The following LTV1 variants were observed in gnomAD, a reference collection of about 807,000 sequenced individuals.
LTV1 encodes the protein LTV1 ribosome biogenesis factor.
Under a neutral mutation model 59.9 loss-of-function variants are expected in LTV1, and 39 were observed. The ratio of observed to expected loss-of-function variants is 0.65; its 90% CI spans 0.50 to 0.85. LTV1 has a LOEUF of 0.85. Ranked by LOEUF, LTV1 falls within the 40% of genes least tolerant of loss-of-function variation. The pLI is 0.00. For synonymous variants in LTV1, 171 were observed against 189.5 expected (o/e 0.90, Z 0.80); for missense variants, 493 against 549.1 (o/e 0.90, Z 1.02).
At position 143,860,531 on chromosome 6, in the gene LTV1, T is replaced by G. The variant is rs1273871295; in HGVS notation, c.901T>G (p.Tyr301Asp). 1.9e-6 allele frequency: 3 copies of G among 1,613,234 alleles called. No homozygotes were observed. The change falls in exon 7 of 11, where the codon TAC (tyrosine) becomes GAC (aspartate). Residue 301 changes from tyrosine (Y) to aspartate (D), a missense_variant. By Grantham distance (160) the Tyr-to-Asp change is radical. Coordinates refer to ENST00000367576, the MANE Select transcript of LTV1 (RefSeq NM_032860.5). The part of the protein sequence containing the change: ...SNRLQEVLND[Y>D]YKEKAENCVK... ...TCGCTTACAGGAAGTTTTGAATGAC[T>G]ACTATAAAGAGAAGGCAGAGAAGTA... is the stretch of plus-strand genomic sequence containing the variant.
Position 143,850,167 on chromosome 6 carries a change from TC to T in LTV1, c.347del (p.Ser116Ter). 1 of 1,613,964 alleles carries T rather than the reference TC, an allele frequency of 6.2e-7. No homozygotes were observed. The highest frequency in any genetic ancestry group is 8.5e-7 in the Non-Finnish European group (1 of 1,179,922). On this transcript the variant is annotated frameshift_variant, in exon 4 of 11. Transcript: ENST00000367576. LOFTEE classifies it high-confidence loss of function. Reference sequence around the variant, plus strand: ...TAAGTTGCCTTCATCAGTGTTTGCTTCAGAGTTTGAGGAAGATGTTGGATTG... The same window carrying T: ...TAAGTTGCCTTCATCAGTGTTTGCTTAGAGTTTGAGGAAGATGTTGGATTG... ...GIKLPSSVFASEFEEDVGLLN... is the reference protein window; with the variant it reads ...GIKLPSSVFAXEFEEDVGLLN...
chr6:143,863,449 A>C lies in LTV1; in HGVS notation c.1350A>C (p.Leu450Phe), dbSNP rs746191628. The change falls in exon 11 of 11, where the codon TTA becomes TTC. Residue 450 changes from leucine to phenylalanine, a missense_variant. Coordinates refer to ENST00000367576, the MANE Select transcript of LTV1 (RefSeq NM_032860.5). The surrounding 1 kb of genome is among the most constrained non-coding windows in gnomAD (Gnocchi z 4.5). ...GAGTGGAGAAGAAAGCTAACAAATT[A>C]GCATTTAAACTGGAGAAAAGAAGGC... is the stretch of plus-strand genomic sequence containing the variant. ...ERRVEKKANKLAFKLEKRRQE... is the reference protein window; with the variant it reads ...ERRVEKKANKFAFKLEKRRQE... 8 of 1,613,878 alleles carry C rather than the reference A, an allele frequency of 5.0e-6. No individual in the cohort carries two copies. The highest frequency in any genetic ancestry group is 6.8e-6 in the Non-Finnish European group (8 of 1,179,852).
intron 3 of LTV1, among the ~76,000 whole-genome samples, chr6:143,849,166 CA>C (rs1445937386): frequency 6.6e-6 from 1 of 152,136 alleles, no homozygotes; most frequent in Admixed American, 6.5e-5. Context: ...TGAGCGGTTG[CA>C]GTCATTTATG....
chr6:143,852,154 C>A (rs1776993931), intron 4 of LTV1, among the ~76,000 whole-genome samples: 1 of 152,212 alleles, frequency 6.6e-6, no homozygotes, highest in Non-Finnish European at 1.5e-5. Context: ...GCCACACTGT[C>A]TTCCACAATG....
rs755099118 is a variant in LTV1, at chr6:143,857,763, A to C, written c.551A>C (p.Asn184Thr). 6.2e-7 allele frequency: 1 copy of C among 1,614,154 alleles called. No individual in the cohort carries two copies. The highest frequency in any genetic ancestry group is 8.5e-7 in the Non-Finnish European group (1 of 1,180,012). The stretch of plus-strand genomic sequence containing the variant: ...GACCTTTACTTTAGGAAATCTGAGA[A>C]TGAAGATGACAGCGAGTGGGAAGAT... ...EEGMDIQKSE[N>T]EDDSEWEDVD... Residue 184 changes from asparagine (N) to threonine (T), a missense_variant, in exon 6 of 11, where the codon AAT (asparagine) becomes ACT (threonine). Transcript: ENST00000367576. This position sits in a 1 kb window ranked among gnomAD's most constrained non-coding sequence, Gnocchi z 5.2.
At chr6:143,849,017 G>A (rs567110110) in intron 3 of LTV1, among the ~76,000 whole-genome samples, 1 of 152,166 alleles carries the variant, frequency 6.6e-6, no homozygotes, top group South Asian at 2.1e-4. Context: ...GATTTTATAG[G>A]TCCTTGAGAA....
chr6:143,850,282 T>C, intron 4 of LTV1, 64 bp downstream of exon 4: 1 of 1,269,878 alleles, frequency 7.9e-7, no homozygotes, highest in South Asian at 1.3e-5. Context: ...AAAGAAATGA[T>C]GTAGGATTTT....
Position 143,863,054 on chromosome 6 carries a change from G to T in LTV1, c.1117-32G>T. ...AGCTATTTTTTAATAGGAATGAGAAGTAACTCTAGTACCATTTTATCTGTA... is the reference window on the plus strand; with the variant it reads ...AGCTATTTTTTAATAGGAATGAGAATTAACTCTAGTACCATTTTATCTGTA... On this transcript the variant is annotated intron_variant, in intron 9 of 10. Coordinates refer to ENST00000367576, the MANE Select transcript of LTV1 (RefSeq NM_032860.5). The surrounding 1 kb of genome is among the most constrained non-coding windows in gnomAD (Gnocchi z 4.5). 6.4e-7 allele frequency: 1 copy of T among 1,568,736 alleles called. No homozygotes were observed.
chr6:143,860,354 A>C lies in LTV1; in HGVS notation c.796-72A>C. 2.1e-6 allele frequency: 3 copies of C among 1,406,822 alleles called. No individual in the cohort carries two copies. The African/African-American group carries it at 4.3e-5, about 20-fold the overall frequency. 87.1% of individuals were successfully genotyped at this position (1,406,822 alleles called of 1,614,324 possible). A position where few individuals can be genotyped will look rare whatever the true frequency, so the allele number is the denominator to read the frequency against. The stretch of plus-strand genomic sequence containing the variant: ...TGTGTAAGAATAAAGTTAATGTAAA[A>C]AAATTTTTAAGTGTGTAGTCTTACT... On this transcript the variant is annotated intron_variant, in intron 6 of 10. Coordinates refer to ENST00000367576, the MANE Select transcript of LTV1 (RefSeq NM_032860.5).
Position 143,862,122 on chromosome 6 carries a change from C to G in LTV1, c.942C>G (p.Thr314=), listed in dbSNP as rs368652062. The change falls in exon 8 of 11, where the codon ACC becomes ACG. Residue 314 remains threonine (T), a synonymous_variant. Transcript: ENST00000367576. The surrounding 1 kb of genome is among the most constrained non-coding windows in gnomAD (Gnocchi z 4.2). The stretch of plus-strand genomic sequence containing the variant: ...CTAAAAGTTGTGTAAAATTGAATAC[C>G]CTTGAACCCTTGGAGGATCAAGACC... The part of the protein sequence containing the change: ...EKAENCVKLN[T]LEPLEDQDLP... 3.1e-6 allele frequency: 5 copies of G among 1,613,514 alleles called. No individual in the cohort carries two copies. In the Admixed American group the frequency reaches 6.7e-5, roughly 22 times the overall value.
At chr6:143,844,350 G>A in intron 1 of LTV1, 136 bp from the exon 2 acceptor site, 1 of 861,914 alleles carries the variant, frequency 1.2e-6, no homozygotes, top group Non-Finnish European at 1.8e-6. Context: ...CACAGCTGAT[G>A]TTGCCTGCCC....
rs1172936389 is a variant in LTV1, at chr6:143,863,602, G to A, written c.*75G>A. ...GGTTATTGACTAGAAACTTCAGAAA[G>A]ACAAAACTGTTTGCCATTTTTACTG... is the stretch of plus-strand genomic sequence containing the variant. On this transcript the variant is annotated 3_prime_UTR_variant, in exon 11 of 11. Transcript: ENST00000367576. The surrounding 1 kb of genome is among the most constrained non-coding windows in gnomAD (Gnocchi z 4.5). The A allele has an allele frequency of 2.1e-6, 2 of 951,292 alleles. No individual in the cohort carries two copies. The highest frequency in any genetic ancestry group is 1.6e-5 in the African/African-American group (1 of 60,664). 58.9% of individuals were successfully genotyped at this position (951,292 alleles called of 1,614,324 possible).
rs1299869231 is a variant in LTV1, at chr6:143,855,305, T to G, written c.398-1998T>G. ...TTGCTTTCCATTTGCTTGGTAAATA[T>G]CCTCCATTCCTTTATTTTGAGTCTG... On this transcript the variant is annotated intron_variant, in intron 4 of 10. Coordinates refer to ENST00000367576, the MANE Select transcript of LTV1 (RefSeq NM_032860.5). The surrounding 1 kb of genome is among the most constrained non-coding windows in gnomAD (Gnocchi z 4.6). 5.3e-5 allele frequency among the ~76,000 whole-genome samples: 8 copies of G among 152,316 alleles called. No homozygotes were observed. The South Asian group carries it at 1.5e-3, about 28-fold the overall frequency.
In LTV1 at chr6:143,843,463, C is replaced by A; in HGVS notation, c.-15C>A. 1 of 1,613,344 alleles carries A rather than the reference C, an allele frequency of 6.2e-7. No individual in the cohort carries two copies. The highest frequency in any genetic ancestry group is 1.1e-5 in the South Asian group (1 of 91,068). On this transcript the variant is annotated 5_prime_UTR_variant, in exon 1 of 11. Coordinates refer to ENST00000367576, the MANE Select transcript of LTV1 (RefSeq NM_032860.5). ...TCGCCGCCCCTGTTGGGGGTGAGCG[C>A]CGCGCGGCTGCAGCATGGTGAGCAA...
At chr6:143,846,308 G>C (rs576071796) in intron 3 of LTV1, 84 bp downstream of exon 3, 2 of 1,302,162 alleles carry the variant, frequency 1.5e-6, no homozygotes, top group East Asian at 4.8e-5. Flanking sequence ...GCAAGAAATG[G>C]TGTCCGTATG....
chr6:143,846,283 A>G (rs1488220861), intron 3 of LTV1, 59 bp downstream of exon 3: 2 of 1,518,474 alleles, frequency 1.3e-6, no homozygotes, highest in Admixed American at 1.9e-5. Context: ...TTTTGAATCA[A>G]GATATCTGTT....
Position 143,843,371 on chromosome 6 carries a change from G to T in LTV1, c.-107G>T. The T allele has an allele frequency of 3.7e-6, 5 of 1,362,290 alleles. No homozygotes were observed. The highest frequency in any genetic ancestry group is 5.2e-6 in the Non-Finnish European group (5 of 958,642). The allele number at this position is 1,362,290 out of a possible 1,614,324, so 84.4% of individuals were successfully genotyped here. A position where few individuals can be genotyped will look rare whatever the true frequency, so the allele number is the denominator to read the frequency against. ...ATCGCCGGGTCCTGGGGCTGCACGTGTGGTGAGGCCTACAGAAGCGGCCTT... is the reference window on the plus strand; with the variant it reads ...ATCGCCGGGTCCTGGGGCTGCACGTTTGGTGAGGCCTACAGAAGCGGCCTT... On this transcript the variant is annotated 5_prime_UTR_variant, in exon 1 of 11. Coordinates refer to ENST00000367576, the MANE Select transcript of LTV1 (RefSeq NM_032860.5).
In LTV1 at chr6:143,863,722, A is replaced by T. The variant is rs1777215442; in HGVS notation, c.*195A>T. 2.3e-6 allele frequency: 1 copy of T among 429,752 alleles called. No individual in the cohort carries two copies. Among genetic ancestry groups the T allele is most frequent in the South Asian group, 6.7e-5 (1 of 14,892 alleles). 26.6% of individuals were successfully genotyped at this position (429,752 alleles called of 1,614,324 possible). A position where few individuals can be genotyped will look rare whatever the true frequency, so the allele number is the denominator to read the frequency against. On this transcript the variant is annotated 3_prime_UTR_variant, in exon 11 of 11. Coordinates refer to ENST00000367576, the MANE Select transcript of LTV1 (RefSeq NM_032860.5). The surrounding 1 kb of genome is among the most constrained non-coding windows in gnomAD (Gnocchi z 4.5). ...TAAATATTGTAATACTTTAATTTTT[A>T]ATATTATAAGCTTACATTTGCTCTG...
intron 6 of LTV1, 144 bp from the exon 7 acceptor site, chr6:143,860,282 C>G (rs1046461421): frequency 2.2e-5 from 14 of 629,132 alleles, no homozygotes; most frequent in African/African-American, 3.7e-5. Flanking sequence ...TGCATTAAAT[C>G]CCTACTGATA....
Sources: gnomAD v4.1 joint callset for allele counts (sites outside exome capture counted in the v4.1 genomes callset) on GRCh38, gnomAD v4.1.1 for gene constraint, Gnocchi (gnomAD v3.1) non-coding constraint, MANE v1.5 for transcripts, NCBI Gene and HGNC (gene_info 2026-07-23, HGNC 2026-07-21) for gene names.